CLSTN2: variants seen among roughly 807,000 people sequenced by gnomAD.
CLSTN2 encodes calsyntenin 2.
CLSTN2 carries 48 observed loss-of-function variants against 101.2 expected under a neutral mutation model. The observed-to-expected ratio is 0.47, with a 90% CI of 0.38 to 0.60. CLSTN2 has a LOEUF of 0.60. Among genes scored for constraint, CLSTN2 ranks in the 20% least tolerant of loss-of-function variants. CLSTN2 has a pLI of 0.00. For synonymous variants in CLSTN2, 481 were observed against 463.6 expected (o/e 1.04, Z -0.48); for missense variants, 1,160 against 1,238.2 (o/e 0.94, Z 0.95).
chr3:139,942,436 T>A (rs773453438), intron 1 of CLSTN2, among the ~76,000 whole-genome samples: 2 of 152,094 alleles, frequency 1.3e-5, no homozygotes, highest in Non-Finnish European at 2.9e-5. Context: ...TTCTCCTGAT[T>A]CGGTTATTCA....
At chr3:140,084,983 C>T (rs1253981631) in intron 1 of CLSTN2, among the ~76,000 whole-genome samples, 3 of 152,190 alleles carry the variant, frequency 2.0e-5, no homozygotes, top group Non-Finnish European at 1.5e-5. Context: ...ATGTGCAATC[C>T]ATGAGTTTGT....
intron 2 of CLSTN2, among the ~76,000 whole-genome samples, chr3:140,251,357 T>C (rs2086561864): frequency 6.6e-6 from 1 of 152,234 alleles, no homozygotes; most frequent in Non-Finnish European, 1.5e-5. Flanking sequence ...CTGTATGATT[T>C]ATTCAGTATC....
At chr3:139,995,545 G>A (rs1310400409) in intron 1 of CLSTN2, among the ~76,000 whole-genome samples, 1 of 152,080 alleles carries the variant, frequency 6.6e-6, no homozygotes, top group Non-Finnish European at 1.5e-5. Context: ...TGCAGTTCTG[G>A]ACATCTTGAT....
intron 2 of CLSTN2, among the ~76,000 whole-genome samples, chr3:140,338,570 C>A (rs561120883): frequency 3.9e-5 from 6 of 152,148 alleles, no homozygotes; most frequent in East Asian, 1.9e-4. Context: ...CCAGTCCCCC[C>A]CCGGCCTCAG....
At chr3:139,983,723 A>G (rs928719140) in intron 1 of CLSTN2, among the ~76,000 whole-genome samples, 67 of 152,278 alleles carry the variant, frequency 4.4e-4, no homozygotes, top group African/African-American at 1.4e-3. Context: ...ATAATTTACT[A>G]TGTAGTTTTA....
chr3:140,172,775 A>C (rs1386525172), intron 1 of CLSTN2, among the ~76,000 whole-genome samples: 2 of 152,210 alleles, frequency 1.3e-5, no homozygotes, highest in African/African-American at 4.8e-5. Flanking sequence ...AGGAAGATGC[A>C]AAAGCAAAAA....
chr3:140,329,706 T>C (rs2087363572), intron 2 of CLSTN2, among the ~76,000 whole-genome samples: 1 of 152,242 alleles, frequency 6.6e-6, no homozygotes, highest in South Asian at 2.1e-4. Context: ...CTCTGATCAA[T>C]GGTCTCTCAT....
At chr3:140,426,210 T>C (rs1360689280) in intron 5 of CLSTN2, among the ~76,000 whole-genome samples, 1 of 152,154 alleles carries the variant, frequency 6.6e-6, no homozygotes, top group East Asian at 1.9e-4. Context: ...TGGTTTGATG[T>C]CCCTATCAAC....
At chr3:140,126,409 G>A (rs1167873141) in intron 1 of CLSTN2, among the ~76,000 whole-genome samples, 1 of 151,894 alleles carries the variant, frequency 6.6e-6, no homozygotes, top group East Asian at 1.9e-4. Context: ...CACACCTCCA[G>A]ACCCTGACAT....
At chr3:139,981,432 A>G (rs2114165) in intron 1 of CLSTN2, among the ~76,000 whole-genome samples, 49,927 of 152,118 alleles carry the variant, frequency 0.33, 10,130 homozygotes, top group Non-Finnish European at 0.46. Context: ...GAAAGCACAG[A>G]CCTCATGTAA....
At chr3:140,241,370 T>C (rs1290422705) in intron 2 of CLSTN2, among the ~76,000 whole-genome samples, 1 of 152,124 alleles carries the variant, frequency 6.6e-6, no homozygotes, top group Non-Finnish European at 1.5e-5. Flanking sequence ...AGTATCCATG[T>C]TGGATGAGGG....
At chr3:140,495,034 GCCACACTGTCTT>G (rs1934435136) in intron 8 of CLSTN2, among the ~76,000 whole-genome samples, 3 of 152,224 alleles carry the variant, frequency 2.0e-5, no homozygotes, top group Admixed American at 1.3e-4. Flanking sequence ...TTGCAGAACC[GCCACACTGTCTT>G]CCACAATGGT....
chr3:140,350,443 A>G (rs6797652), intron 2 of CLSTN2, among the ~76,000 whole-genome samples: 58,226 of 152,062 alleles, frequency 0.38, 12,235 homozygotes, highest in Non-Finnish European at 0.49. Context: ...AATGAAGAAG[A>G]TGGGATGTGG....
chr3:139,977,592 T>C (rs1217371364), intron 1 of CLSTN2, among the ~76,000 whole-genome samples: 1 of 152,126 alleles, frequency 6.6e-6, no homozygotes, highest in Non-Finnish European at 1.5e-5. Flanking sequence ...GCTGAGTCTG[T>C]GCCAGCACCA....
chr3:140,277,591 C>T (rs1486237981), intron 2 of CLSTN2, among the ~76,000 whole-genome samples: 1 of 152,198 alleles, frequency 6.6e-6, no homozygotes, highest in Non-Finnish European at 1.5e-5. Flanking sequence ...AACTTTTCTG[C>T]ACTGCATGCT....
At chr3:140,150,128 A>G (rs190544956) in intron 1 of CLSTN2, among the ~76,000 whole-genome samples, 14 of 152,308 alleles carry the variant, frequency 9.2e-5, no homozygotes, top group Non-Finnish European at 1.6e-4. Flanking sequence ...AGAATGCACT[A>G]CTACTTCCTT....
intron 1 of CLSTN2, among the ~76,000 whole-genome samples, chr3:140,172,729 C>A (rs1249524692): frequency 6.6e-6 from 1 of 152,110 alleles, no homozygotes; most frequent in East Asian, 1.9e-4. Flanking sequence ...AAGATCAAGT[C>A]CCATCTTACA....
chr3:140,409,022 A>C (rs2088334825), intron 4 of CLSTN2, among the ~76,000 whole-genome samples: 1 of 152,372 alleles, frequency 6.6e-6, no homozygotes, highest in Non-Finnish European at 1.5e-5. Flanking sequence ...CTGCAGCTGC[A>C]TGCATGTACA....
At chr3:140,165,951 A>G (rs1434679668) in intron 1 of CLSTN2, among the ~76,000 whole-genome samples, 1 of 152,162 alleles carries the variant, frequency 6.6e-6, no homozygotes, top group Non-Finnish European at 1.5e-5. Context: ...GTCTGTGAAA[A>G]GTGAGCAGGG....
Sources: allele counts gnomAD v4.1 joint callset (sites outside exome capture counted in the v4.1 genomes callset), GRCh38; gene constraint gnomAD v4.1.1; transcripts MANE v1.5; gene names NCBI Gene and HGNC (gene_info 2026-07-23, HGNC 2026-07-21).